MYO5B: variants seen among roughly 807,000 people sequenced by gnomAD.
The protein encoded by MYO5B is myosin VB, also known as unconventional myosin-Vb.
A neutral mutation model predicts 229.3 loss-of-function variants in MYO5B; 143 were observed. The ratio of observed to expected loss-of-function variants is 0.62; its 90% CI spans 0.54 to 0.72. The LOEUF (loss-of-function observed/expected upper bound fraction) is 0.72. Among genes scored for constraint, MYO5B ranks in the 30% least tolerant of loss-of-function variants. The probability of loss-of-function intolerance (pLI) is 0.00; values close to 1 mark genes in which losing one functional copy is unlikely to be tolerated. For synonymous variants in MYO5B, 918 were observed against 885.2 expected (o/e 1.04, Z -0.66); for missense variants, 2,321 against 2,331.0 (o/e 1.00, Z 0.09).
At chr18:49,843,971 G>A (rs572901880) in intron 33 of MYO5B, among the ~76,000 whole-genome samples, 1 of 152,224 alleles carries the variant, frequency 6.6e-6, no homozygotes, top group Non-Finnish European at 1.5e-5. Flanking sequence ...CAGCCAAATA[G>A]ATCAGGCAGG....
intron 12 of MYO5B, among the ~76,000 whole-genome samples, chr18:49,957,635 AAG>A (rs1285043424): frequency 6.7e-6 from 1 of 150,108 alleles, no homozygotes; most frequent in Non-Finnish European, 1.5e-5. Flanking sequence ...GTGACAGAAC[AAG>A]ACACTGTCTC....
At chr18:50,046,836 G>A (rs2030241918) in intron 2 of MYO5B, among the ~76,000 whole-genome samples, 1 of 152,128 alleles carries the variant, frequency 6.6e-6, no homozygotes, top group Non-Finnish European at 1.5e-5. Context: ...CAAGCAATGG[G>A]GAAAGGATTC....
At chr18:49,855,760 C>T (rs1028656112) in intron 30 of MYO5B, among the ~76,000 whole-genome samples, 17 of 152,234 alleles carry the variant, frequency 1.1e-4, no homozygotes, top group Admixed American at 4.6e-4. Context: ...AAACACTACC[C>T]TGTCAATCAG....
intron 14 of MYO5B, chr18:49,946,371 G>A (rs1219919124): frequency 2.6e-5 from 4 of 152,186 alleles, no homozygotes; most frequent in African/African-American, 7.2e-5. Context: ...GGCACGTTCA[G>A]GGTGGTATGG....
chr18:49,993,049 A>T (rs1158030350), intron 5 of MYO5B, among the ~76,000 whole-genome samples: 1 of 152,158 alleles, frequency 6.6e-6, no homozygotes, highest in Non-Finnish European at 1.5e-5. Flanking sequence ...CTTCTGCAGC[A>T]TCAGGGTTAC....
At chr18:49,829,417 G>A (rs1363277046) in intron 39 of MYO5B, among the ~76,000 whole-genome samples, 1 of 152,126 alleles carries the variant, frequency 6.6e-6, no homozygotes, top group Non-Finnish European at 1.5e-5. Flanking sequence ...AGAAGAAATA[G>A]AAAATTTGAA....
intron 1 of MYO5B, among the ~76,000 whole-genome samples, chr18:50,141,793 C>CT (rs1190724032): frequency 2.6e-5 from 4 of 152,178 alleles, no homozygotes; most frequent in Non-Finnish European, 4.4e-5. Flanking sequence ...TATCCTGACC[C>CT]TTAACAGAGA....
intron 4 of MYO5B, among the ~76,000 whole-genome samples, chr18:50,025,436 C>A (rs551509482): frequency 6.6e-6 from 1 of 152,322 alleles, no homozygotes; most frequent in East Asian, 1.9e-4. Flanking sequence ...CAGCCCGGAA[C>A]TCCTCAAGGA....
chr18:50,057,261 T>C (rs2030572777), intron 1 of MYO5B, among the ~76,000 whole-genome samples: 1 of 152,226 alleles, frequency 6.6e-6, no homozygotes, highest in Non-Finnish European at 1.5e-5. Context: ...CAGGTGAGTG[T>C]CTGTCCTTCA....
intron 1 of MYO5B, among the ~76,000 whole-genome samples, chr18:50,143,807 G>A (rs753683516): frequency 3.3e-5 from 5 of 152,172 alleles, no homozygotes; most frequent in Admixed American, 6.5e-5. Context: ...TTTGTGTACA[G>A]GCTTGTCCTG....
At chr18:49,953,159 G>T in intron 14 of MYO5B, 101 bp downstream of exon 14, 2 of 1,113,392 alleles carry the variant, frequency 1.8e-6, no homozygotes, top group Non-Finnish European at 2.7e-6. Context: ...TCCCTGCCCA[G>T]CATCTCTGTC....
At chr18:50,179,049 T>G (rs149589237) in intron 1 of MYO5B, among the ~76,000 whole-genome samples, 10 of 152,312 alleles carry the variant, frequency 6.6e-5, no homozygotes, top group African/African-American at 2.4e-4. Flanking sequence ...GAAAAAATGT[T>G]TATTATTATA....
At chr18:50,003,330 T>G (rs1157670593) in intron 4 of MYO5B, among the ~76,000 whole-genome samples, 1 of 152,164 alleles carries the variant, frequency 6.6e-6, no homozygotes, top group African/African-American at 2.4e-5. Context: ...CTACCCAGTA[T>G]TTGGGGGATA....
chr18:50,052,973 G>C (rs918595074), intron 2 of MYO5B, among the ~76,000 whole-genome samples: 2 of 152,184 alleles, frequency 1.3e-5, no homozygotes, highest in Non-Finnish European at 2.9e-5. Context: ...TTGAACTTCA[G>C]GGGGAGGGAG....
chr18:50,147,972 A>G (rs1303380326), intron 1 of MYO5B, among the ~76,000 whole-genome samples: 1 of 151,980 alleles, frequency 6.6e-6, no homozygotes, highest in African/African-American at 2.4e-5. Flanking sequence ...GAAGAATCAA[A>G]TAGACACAAT....
intron 17 of MYO5B, among the ~76,000 whole-genome samples, chr18:49,926,074 C>CT (rs1193917128): frequency 6.6e-6 from 1 of 152,128 alleles, no homozygotes; most frequent in Admixed American, 6.5e-5. Flanking sequence ...ACTCTCTGTC[C>CT]TTTTTTCTAA....
intron 11 of MYO5B, 98 bp from the exon 12 acceptor site, chr18:49,962,504 A>G: frequency 6.6e-7 from 1 of 1,519,950 alleles, no homozygotes; most frequent in Non-Finnish European, 9.1e-7. Context: ...GGAGGACAGC[A>G]GAGAACTGCC....
chr18:50,146,254 C>A (rs1481903449), intron 1 of MYO5B, among the ~76,000 whole-genome samples: 1 of 152,174 alleles, frequency 6.6e-6, no homozygotes, highest in East Asian at 1.9e-4. Flanking sequence ...ATGGGGAAAT[C>A]AAAACCCAGG....
chr18:50,143,078 T>A (rs1197212570), intron 1 of MYO5B, among the ~76,000 whole-genome samples: 1 of 152,238 alleles, frequency 6.6e-6, no homozygotes, highest in Non-Finnish European at 1.5e-5. Context: ...ATATTTTTAA[T>A]CTAAATGAAG....
Sources: gnomAD v4.1 joint callset for allele counts (sites outside exome capture counted in the v4.1 genomes callset) on GRCh38, gnomAD v4.1.1 for gene constraint, MANE v1.5 for transcripts, NCBI Gene and HGNC (gene_info 2026-07-23, HGNC 2026-07-21) for gene names.